CNTN5: variants seen among roughly 807,000 people sequenced by gnomAD.
CNTN5 encodes the protein contactin-5.
CNTN5 carries 77 observed loss-of-function variants against 129.1 expected under a neutral mutation model. That is an observed-to-expected ratio of 0.60 (90% confidence interval 0.50 to 0.72). CNTN5 has a LOEUF of 0.72. CNTN5 is among the 30% of genes least tolerant of loss of function. The pLI is 0.00. For synonymous variants in CNTN5, 509 were observed against 465.6 expected (o/e 1.09, Z -1.20); for missense variants, 1,478 against 1,328.8 (o/e 1.11, Z -1.75).
At chr11:99,849,720 A>G (rs903974262) in intron 6 of CNTN5, among the ~76,000 whole-genome samples, 23 of 152,286 alleles carry the variant, frequency 1.5e-4, no homozygotes, top group Admixed American at 4.6e-4. Context: ...CTTTTGTTGC[A>G]GACGATGCTC....
At chr11:100,005,685 A>G (rs1427052536) in intron 9 of CNTN5, among the ~76,000 whole-genome samples, 1 of 152,164 alleles carries the variant, frequency 6.6e-6, no homozygotes, top group Non-Finnish European at 1.5e-5. Flanking sequence ...CCTCTTAAGA[A>G]GGATTTGTTT....
At chr11:99,832,432 A>G (rs1947171304) in intron 4 of CNTN5, among the ~76,000 whole-genome samples, 1 of 151,382 alleles carries the variant, frequency 6.6e-6, no homozygotes, top group South Asian at 2.1e-4. Context: ...CAAAAAACCT[A>G]TTAGACTTTA....
chr11:99,516,218 C>T (rs1947047571), intron 2 of CNTN5, among the ~76,000 whole-genome samples: 1 of 151,984 alleles, frequency 6.6e-6, no homozygotes, highest in Non-Finnish European at 1.5e-5. Context: ...GATATATAAA[C>T]TGGAAGATCT....
chr11:99,394,522 A>T (rs976082444), intron 2 of CNTN5, among the ~76,000 whole-genome samples: 10 of 150,774 alleles, frequency 6.6e-5, no homozygotes, highest in East Asian at 1.9e-4. Flanking sequence ...TTCTTTTTTT[A>T]AAATTATGTT....
intron 17 of CNTN5, among the ~76,000 whole-genome samples, chr11:100,265,746 C>T (rs1230654337): frequency 6.6e-6 from 1 of 152,042 alleles, no homozygotes. Flanking sequence ...CCGCCTCCTG[C>T]AAATGAGACT....
At chr11:99,765,920 A>G (rs1944739181) in intron 3 of CNTN5, among the ~76,000 whole-genome samples, 1 of 152,036 alleles carries the variant, frequency 6.6e-6, no homozygotes, top group Non-Finnish European at 1.5e-5. Flanking sequence ...TAATATAAAG[A>G]TAAAATTGTT....
chr11:99,201,753 T>C (rs1859221198), intron 1 of CNTN5, among the ~76,000 whole-genome samples: 1 of 152,114 alleles, frequency 6.6e-6, no homozygotes, highest in Admixed American at 6.5e-5. Flanking sequence ...ACTCTGAAGA[T>C]GGAAGGGGGC....
intron 3 of CNTN5, among the ~76,000 whole-genome samples, chr11:99,622,798 T>C (rs2135770134): frequency 6.6e-6 from 1 of 151,634 alleles, no homozygotes; most frequent in South Asian, 2.1e-4. Flanking sequence ...AATTGATTTT[T>C]CCCCATGGTA....
intron 1 of CNTN5, among the ~76,000 whole-genome samples, chr11:99,098,521 A>G (rs1441113203): frequency 2.0e-5 from 3 of 152,072 alleles, no homozygotes; most frequent in Non-Finnish European, 4.4e-5. Context: ...GAAAAGAGAA[A>G]AATCAGCTCT....
intron 24 of CNTN5, among the ~76,000 whole-genome samples, chr11:100,354,998 T>G (rs1178618829): frequency 6.6e-6 from 1 of 151,726 alleles, no homozygotes; most frequent in African/African-American, 2.4e-5. Context: ...TACACTGTCA[T>G]AGACTTTATA....
chr11:100,300,579 C>T (rs893133357), intron 20 of CNTN5, among the ~76,000 whole-genome samples: 1 of 151,508 alleles, frequency 6.6e-6, no homozygotes, highest in South Asian at 2.1e-4. Context: ...ATGAGCTTCA[C>T]GGGGGATATA....
intron 2 of CNTN5, among the ~76,000 whole-genome samples, chr11:99,555,521 C>T (rs766339764): frequency 3.0e-4 from 45 of 152,048 alleles, no homozygotes; most frequent in South Asian, 8.3e-4. Flanking sequence ...TAGACAAAAA[C>T]ATTAAATATT....
chr11:99,598,748 C>T (rs368311036), intron 3 of CNTN5, among the ~76,000 whole-genome samples: 2 of 151,820 alleles, frequency 1.3e-5, no homozygotes, highest in Admixed American at 6.6e-5. Context: ...CACATCATCA[C>T]ATTATATTTG....
At chr11:99,653,284 A>G (rs1310152737) in intron 3 of CNTN5, among the ~76,000 whole-genome samples, 1 of 152,000 alleles carries the variant, frequency 6.6e-6, no homozygotes, top group Non-Finnish European at 1.5e-5. Flanking sequence ...TGCATGGTAC[A>G]TTTAGGGCAA....
intron 13 of CNTN5, among the ~76,000 whole-genome samples, chr11:100,172,258 C>T (rs553652388): frequency 6.7e-6 from 1 of 150,062 alleles, no homozygotes; most frequent in South Asian, 2.1e-4. Flanking sequence ...TCATCATGAA[C>T]CTTCATGGGG....
At position 100,142,126 on chromosome 11, in the gene CNTN5, C is replaced by T. The variant is rs1038381590; in HGVS notation, c.1581-49000C>T. ...GTAGACCCCCAAGTTCTCAGGCTTT[C>T]CCCTCAGACGGAGAATTACACTATC... On this transcript the variant is annotated intron_variant, in intron 13 of 24. Coordinates refer to ENST00000524871, the MANE Select transcript of CNTN5 (RefSeq NM_014361.4). Among the ~76,000 whole-genome samples the T allele has an allele frequency of 3.5e-4, 53 of 152,210 alleles. 1 individual carries two copies. The highest frequency in any genetic ancestry group is 1.3e-3 in the African/African-American group (53 of 41,564).
chr11:99,548,496 G>A (rs1265088916), intron 2 of CNTN5, among the ~76,000 whole-genome samples: 2 of 152,148 alleles, frequency 1.3e-5, no homozygotes, highest in South Asian at 4.1e-4. Context: ...ATAGCCAATC[G>A]CTGGTTGAAT....
At chr11:100,030,226 AT>A (rs1484455897) in intron 9 of CNTN5, among the ~76,000 whole-genome samples, 1 of 144,304 alleles carries the variant, frequency 6.9e-6, no homozygotes, top group Non-Finnish European at 1.5e-5. Flanking sequence ...AAAAAAAAAA[AT>A]TAAAGACTAG....
intron 1 of CNTN5, among the ~76,000 whole-genome samples, chr11:99,252,872 T>A (rs1475605681): frequency 3.3e-5 from 5 of 152,050 alleles, no homozygotes; most frequent in African/African-American, 1.2e-4. Flanking sequence ...ATTTTAATAT[T>A]CATCTTTTCT....
Sources: gnomAD v4.1 joint callset for allele counts (sites outside exome capture counted in the v4.1 genomes callset) on GRCh38, gnomAD v4.1.1 for gene constraint, MANE v1.5 for transcripts, NCBI Gene and HGNC (gene_info 2026-07-23, HGNC 2026-07-21) for gene names.